The following OGFOD3 variants were observed in gnomAD, a reference collection of about 807,000 sequenced individuals.
OGFOD3 encodes the protein 2-oxoglutarate and iron dependent oxygenase domain containing 3, also known as 2-oxoglutarate and iron-dependent oxygenase domain-containing protein 3.
A neutral mutation model predicts 39.8 loss-of-function variants in OGFOD3; 35 were observed. That is an observed-to-expected ratio of 0.88 (90% confidence interval 0.67 to 1.17). OGFOD3 has a LOEUF of 1.17. Among genes scored for constraint, OGFOD3 ranks in the 50% most tolerant of loss-of-function variants. The pLI is 0.00. For synonymous variants in OGFOD3, 200 were observed against 192.0 expected, an observed-to-expected ratio of 1.04 and a Z score of -0.34; for missense variants, 438 against 454.5, an observed-to-expected ratio of 0.96 and a Z score of 0.33.
In OGFOD3 at chr17:82,404,083, G is replaced by A. The variant is rs763983474; in HGVS notation, c.553C>T (p.Arg185Trp). The stretch of plus-strand genomic sequence containing the variant: ...GCAATGGTGAGCTGGACCTTCTGCC[G>A]CACCTCCCTGCAGAGGACACAATAG... ...EEDFRLYREV[R>W]QKVQLTIAEA... is the part of the protein sequence containing the mutation. The change falls in exon 7 of 9, where the codon CGG becomes TGG. Residue 185 changes from arginine to tryptophan, a missense_variant. Coordinates refer to ENST00000313056, the MANE Select transcript of OGFOD3 (RefSeq NM_024648.3). The surrounding 1 kb of genome is among the most constrained non-coding windows in gnomAD (Gnocchi z 4.5). The A allele has an allele frequency of 1.9e-6, 3 of 1,592,584 alleles. No homozygotes were observed. Among genetic ancestry groups the A allele is most frequent in the African/African-American group, 1.3e-5 (1 of 74,730 alleles).
In OGFOD3 at chr17:82,398,204, G is replaced by A. The variant is rs17852152; in HGVS notation, c.815C>T (p.Pro272Leu). 4.3e-5 allele frequency: 70 copies of A among 1,613,868 alleles called. No homozygotes were observed. Among genetic ancestry groups the A allele is most frequent in the Admixed American group, 3.8e-4 (23 of 59,980 alleles). ...MEEGANKTVEPRAGRVSFFTS... is the reference protein window; with the variant it reads ...MEEGANKTVELRAGRVSFFTS... ...CCGCCCGCGCCTCCTACCAGCTCTC[G>A]GCTCCACCGTCTTGTTGGCACCCTC... Residue 272 changes from proline to leucine, a missense_variant, in exon 8 of 9, where the codon CCG (proline) becomes CTG (leucine). Coordinates refer to ENST00000313056, the MANE Select transcript of OGFOD3 (RefSeq NM_024648.3).
At chr17:82,394,936 T>C (rs775532249) in intron 8 of OGFOD3, among the ~76,000 whole-genome samples, 19 of 152,156 alleles carry the variant, frequency 1.2e-4, no homozygotes, top group Non-Finnish European at 2.5e-4. Flanking sequence ...CTAAGAGCTG[T>C]TGACCCAACT....
intron 3 of OGFOD3, 145 bp from the exon 4 acceptor site, chr17:82,409,555 A>T: frequency 1.4e-6 from 1 of 739,094 alleles, no homozygotes; most frequent in Non-Finnish European, 2.3e-6. Flanking sequence ...TTTAGACCAA[A>T]GGACTCAACT....
intron 8 of OGFOD3, among the ~76,000 whole-genome samples, chr17:82,397,922 G>A (rs1329667082): frequency 1.3e-5 from 2 of 152,132 alleles, no homozygotes; most frequent in African/African-American, 2.4e-5. Flanking sequence ...CACACACCAG[G>A]GAGGGAAATG....
chr17:82,394,588 G>C (rs2143182398), intron 8 of OGFOD3: 1 of 1,528,004 alleles, frequency 6.5e-7, no homozygotes, highest in Non-Finnish European at 8.9e-7. Flanking sequence ...GTTGACTCCA[G>C]GGGCCTGGGC....
rs886398615 is a variant in OGFOD3, at chr17:82,389,357, G to A, written c.*3041C>T. On this transcript the variant is annotated 3_prime_UTR_variant, in exon 9 of 9. Coordinates refer to ENST00000313056, the MANE Select transcript of OGFOD3 (RefSeq NM_024648.3). This position sits in a 1 kb window ranked among gnomAD's most constrained non-coding sequence, Gnocchi z 4.6. ...CTTCTAGCGGAACCAATCACCCCTC[G>A]TGGCTCCTGGAACAGCCTCACGTCG... The A allele has an allele frequency of 3.3e-5, 5 of 152,166 alleles. No individual in the cohort carries two copies. Among genetic ancestry groups the A allele is most frequent in the Admixed American group, 6.5e-5 (1 of 15,272 alleles). The allele number at this position is 152,166 out of a possible 1,614,324, so 9.4% of individuals were successfully genotyped here. A position where few individuals can be genotyped will look rare whatever the true frequency, so the allele number is the denominator to read the frequency against.
intron 8 of OGFOD3, chr17:82,394,657 G>A (rs552414023): frequency 6.7e-6 from 5 of 746,926 alleles, no homozygotes; most frequent in East Asian, 2.8e-5. Flanking sequence ...TCCCAGGGGG[G>A]ACCTCTGAGC....
chr17:82,399,411 C>G (rs1267658112), intron 7 of OGFOD3, among the ~76,000 whole-genome samples: 2 of 152,174 alleles, frequency 1.3e-5, no homozygotes, highest in Non-Finnish European at 2.9e-5. Context: ...GCGCTTTTCT[C>G]CTTTCTTCAG....
At position 82,392,416 on chromosome 17, in the gene OGFOD3, C is replaced by T. The variant is rs8067766; in HGVS notation, c.942G>A (p.Glu314=). Residue 314 remains glutamate (E), a synonymous_variant, in exon 9 of 9, where the codon GAG becomes GAA. Transcript: ENST00000313056. The surrounding 1 kb of genome is among the most constrained non-coding windows in gnomAD (Gnocchi z 4.2). ...CTGCTGGCTACGGGAACGCTGGGTC[C>T]TCGATGCCATGGTCGGGGTTGCAGC... ...AFSCNPDHGI[E]DPAFP The T allele has an allele frequency of 8.4e-4, 1,359 of 1,612,092 alleles. 10 individuals carry two copies. In the African/African-American group the frequency reaches 0.016, roughly 19 times the overall value.
chr17:82,410,210 C>T (rs1037890684), intron 3 of OGFOD3, among the ~76,000 whole-genome samples: 62 of 152,320 alleles, frequency 4.1e-4, no homozygotes, highest in Non-Finnish European at 7.9e-4. Context: ...GGGGACACGC[C>T]GGTGCCTCAG....
chr17:82,410,710 CTTTTTTTTTTT>C (rs71168106), intron 3 of OGFOD3, among the ~76,000 whole-genome samples: 8 of 91,708 alleles, frequency 8.7e-5, no homozygotes, highest in Admixed American at 1.5e-4. Flanking sequence ...GCACATAATT[CTTTTTTTTTTT>C]TTTTTTTTTT....
chr17:82,405,251 G>C (rs556333450), intron 6 of OGFOD3, 73 bp downstream of exon 6: 10 of 1,358,274 alleles, frequency 7.4e-6, no homozygotes, highest in South Asian at 4.8e-5. Context: ...TCCCCGGACC[G>C]GCCAGCTCTG....
intron 8 of OGFOD3, among the ~76,000 whole-genome samples, chr17:82,397,793 T>G (rs1232033556): frequency 6.6e-6 from 1 of 152,070 alleles, no homozygotes; most frequent in Non-Finnish European, 1.5e-5. Flanking sequence ...AGGAGGGCAC[T>G]AGGTCACCGA....
chr17:82,401,871 CA>C (rs1469122541), intron 7 of OGFOD3, among the ~76,000 whole-genome samples: 1 of 148,768 alleles, frequency 6.7e-6, no homozygotes, highest in African/African-American at 2.5e-5. Flanking sequence ...TCACACGGCA[CA>C]GAAAGCTGGT....
At chr17:82,410,613 G>T (rs1345839976) in intron 3 of OGFOD3, among the ~76,000 whole-genome samples, 2 of 152,034 alleles carry the variant, frequency 1.3e-5, no homozygotes, top group African/African-American at 2.4e-5. Context: ...AGGAACCTGG[G>T]CCTCTGGGTA....
intron 8 of OGFOD3, chr17:82,393,778 G>C (rs989969654): frequency 1.1e-4 from 17 of 152,194 alleles, no homozygotes; most frequent in African/African-American, 4.1e-4. Flanking sequence ...TGGCAGACGT[G>C]GTTCTCAGGA....
intron 3 of OGFOD3, among the ~76,000 whole-genome samples, chr17:82,410,710 CTTTTTTTT>C (rs71168106): frequency 1.1e-5 from 1 of 91,708 alleles, no homozygotes; most frequent in Non-Finnish European, 2.0e-5. Context: ...GCACATAATT[CTTTTTTTT>C]TTTTTTTTTT....
chr17:82,409,524 T>C, intron 3 of OGFOD3, 114 bp from the exon 4 acceptor site: 1 of 936,668 alleles, frequency 1.1e-6, no homozygotes, highest in Non-Finnish European at 1.7e-6. Context: ...GCGTGTTTAA[T>C]GTTTATGATG....
At position 82,394,511 on chromosome 17, in the gene OGFOD3, A is replaced by T. The variant is rs771778543; in HGVS notation, c.824-1977T>A. 2.5e-6 allele frequency: 4 copies of T among 1,613,000 alleles called. No individual in the cohort carries two copies. The East Asian group carries it at 8.9e-5, about 36-fold the overall frequency. On this transcript the variant is annotated intron_variant, in intron 8 of 8. Transcript: ENST00000313056. Reference sequence around the variant, plus strand: ...GCTCTCGGTCCATTAACTTCTTGGAACCCACAAGACATCATCCGGAAACAA... The same window carrying T: ...GCTCTCGGTCCATTAACTTCTTGGATCCCACAAGACATCATCCGGAAACAA...
Sources: gnomAD v4.1 joint callset for allele counts (sites outside exome capture counted in the v4.1 genomes callset) on GRCh38, gnomAD v4.1.1 for gene constraint, Gnocchi (gnomAD v3.1) non-coding constraint, MANE v1.5 for transcripts, NCBI Gene and HGNC (gene_info 2026-07-23, HGNC 2026-07-21) for gene names.